YWHAQ: variants seen among roughly 807,000 people sequenced by gnomAD.
YWHAQ encodes 14-3-3 protein theta.
A neutral mutation model predicts 28.3 loss-of-function variants in YWHAQ; 6 were observed. The ratio of observed to expected loss-of-function variants is 0.21; its 90% CI spans 0.12 to 0.42. The LOEUF (loss-of-function observed/expected upper bound fraction) is 0.42. YWHAQ is among the 10% of genes least tolerant of loss of function. The pLI is 1.00. For synonymous variants in YWHAQ, 143 were observed against 119.1 expected (o/e 1.20, Z -1.31); for missense variants, 201 against 305.6 (o/e 0.66, Z 2.55).
At chr2:9,597,463 C>T (rs1185904857) in intron 2 of YWHAQ, among the ~76,000 whole-genome samples, 4 of 151,794 alleles carry the variant, frequency 2.6e-5, no homozygotes, top group African/African-American at 7.3e-5. Flanking sequence ...CTGGCCAACA[C>T]GGTGAAACCC....
At chr2:9,609,791 C>T (rs1666908933) in intron 2 of YWHAQ, among the ~76,000 whole-genome samples, 2 of 152,176 alleles carry the variant, frequency 1.3e-5, no homozygotes, top group Non-Finnish European at 2.9e-5. Flanking sequence ...CCAATTAAAG[C>T]ACCACACAAA....
At chr2:9,603,949 A>T (rs1666767048) in intron 2 of YWHAQ, among the ~76,000 whole-genome samples, 1 of 152,036 alleles carries the variant, frequency 6.6e-6, no homozygotes, top group South Asian at 2.1e-4. Flanking sequence ...CCATAAACTA[A>T]AACTTTGTCT....
chr2:9,589,996 C>T, intron 3 of YWHAQ, among the ~76,000 whole-genome samples: 1 of 152,312 alleles, frequency 6.6e-6, no homozygotes, highest in Admixed American at 6.5e-5. Context: ...ATTTATTGAT[C>T]TAATCCCTGA....
chr2:9,621,400 A>G (rs147041616), intron 2 of YWHAQ, among the ~76,000 whole-genome samples: 3 of 152,290 alleles, frequency 2.0e-5, no homozygotes, highest in Non-Finnish European at 4.4e-5. Flanking sequence ...TCTTCTTGCT[A>G]TATGTATTAA....
At chr2:9,626,352 T>C (rs929848287) in intron 2 of YWHAQ, among the ~76,000 whole-genome samples, 5 of 148,920 alleles carry the variant, frequency 3.4e-5, no homozygotes, top group African/African-American at 1.0e-4. Context: ...TGAACCCCTC[T>C]AACTTTTTCC....
At chr2:9,607,560 G>A (rs76756447) in intron 2 of YWHAQ, among the ~76,000 whole-genome samples, 9,136 of 151,994 alleles carry the variant, frequency 0.06, 821 homozygotes, top group African/African-American at 0.19. Flanking sequence ...TGACCGACAT[G>A]AGAAACGCAA....
At chr2:9,617,198 G>A (rs113662430) in intron 2 of YWHAQ, among the ~76,000 whole-genome samples, 18,739 of 150,926 alleles carry the variant, frequency 0.12, 1,343 homozygotes, top group African/African-American at 0.2. Flanking sequence ...TCCTGACCTC[G>A]TGATCCGCCC....
intron 3 of YWHAQ, among the ~76,000 whole-genome samples, chr2:9,590,641 T>A (rs1220352581): frequency 6.6e-6 from 1 of 152,156 alleles, no homozygotes; most frequent in Non-Finnish European, 1.5e-5. Context: ...TGCAAATAAA[T>A]TCACTTCACT....
intron 2 of YWHAQ, among the ~76,000 whole-genome samples, chr2:9,625,281 A>AC (rs1184015187): frequency 1.1e-4 from 17 of 149,728 alleles, no homozygotes; most frequent in Admixed American, 3.3e-4. Context: ...AAAAACCCAA[A>AC]CCCCCCAAAA....
intron 2 of YWHAQ, among the ~76,000 whole-genome samples, chr2:9,600,479 G>A (rs755611778): frequency 4.2e-4 from 64 of 152,140 alleles, no homozygotes; most frequent in Admixed American, 4.6e-4. Context: ...GCCCAAGCGG[G>A]CAGATCACCT....
chr2:9,597,378 T>C (rs1029728372), intron 2 of YWHAQ, among the ~76,000 whole-genome samples: 1 of 152,212 alleles, frequency 6.6e-6, no homozygotes, highest in Non-Finnish European at 1.5e-5. Flanking sequence ...GCAGACACAG[T>C]GGCTCACGCC....
At chr2:9,613,875 G>A (rs536189175) in intron 2 of YWHAQ, among the ~76,000 whole-genome samples, 10 of 152,322 alleles carry the variant, frequency 6.6e-5, no homozygotes, top group Admixed American at 2.6e-4. Context: ...AGGTACTGAG[G>A]TGCTGTGACT....
intron 2 of YWHAQ, among the ~76,000 whole-genome samples, chr2:9,602,890 T>A (rs1443133656): frequency 7.5e-5 from 7 of 93,844 alleles, no homozygotes; most frequent in Non-Finnish European, 1.3e-4. Context: ...TATATATATA[T>A]ATATATATAT....
At chr2:9,622,195 A>T (rs1252904322) in intron 2 of YWHAQ, among the ~76,000 whole-genome samples, 2 of 152,034 alleles carry the variant, frequency 1.3e-5, no homozygotes, top group Non-Finnish European at 2.9e-5. Context: ...AAAAAAAAAA[A>T]AATACAATTA....
At chr2:9,601,955 A>C (rs995582869) in intron 2 of YWHAQ, among the ~76,000 whole-genome samples, 1 of 152,126 alleles carries the variant, frequency 6.6e-6, no homozygotes, top group African/African-American at 2.4e-5. Context: ...GCTGGTTCTT[A>C]AGATTAATAA....
intron 2 of YWHAQ, among the ~76,000 whole-genome samples, chr2:9,605,132 T>C (rs1279834409): frequency 7.2e-6 from 1 of 138,378 alleles, no homozygotes; most frequent in Non-Finnish European, 1.5e-5. Flanking sequence ...TTCCCCATTC[T>C]GTTCTCTCTT....
chr2:9,610,101 T>C (rs1484056310), intron 2 of YWHAQ, among the ~76,000 whole-genome samples: 2 of 152,230 alleles, frequency 1.3e-5, no homozygotes, highest in African/African-American at 4.8e-5. Context: ...TTTAAGACCA[T>C]ACTTTCTAAA....
Position 9,584,498 on chromosome 2 carries a change from T to G in YWHAQ, c.*788A>C, listed in dbSNP as rs1666306121. The G allele has an allele frequency of 6.6e-6, 1 of 152,668 alleles. No homozygotes were observed. The highest frequency in any genetic ancestry group is 1.5e-5 in the Non-Finnish European group (1 of 68,054). The allele number at this position is 152,668 out of a possible 1,614,324, so 9.5% of individuals were successfully genotyped here. On this transcript the variant is annotated 3_prime_UTR_variant, in exon 6 of 6. Coordinates refer to ENST00000238081, the MANE Select transcript of YWHAQ (RefSeq NM_006826.4). ...CTTGTGTACTTTAATTTATTTCCCC[T>G]TTCTAGTGTATTAAGAAATGACATG...
intron 2 of YWHAQ, among the ~76,000 whole-genome samples, chr2:9,621,026 A>G (rs554170379): frequency 8.5e-5 from 13 of 152,306 alleles, no homozygotes; most frequent in African/African-American, 2.9e-4. Context: ...AACCACTTTC[A>G]TAAGTCTAAG....
Sources: gnomAD v4.1 joint callset for allele counts (sites outside exome capture counted in the v4.1 genomes callset) on GRCh38, gnomAD v4.1.1 for gene constraint, MANE v1.5 for transcripts, NCBI Gene and HGNC (gene_info 2026-07-23, HGNC 2026-07-21) for gene names.